VAV3: variants seen among roughly 807,000 people sequenced by gnomAD.
VAV3 encodes the protein vav guanine nucleotide exchange factor 3, also known as guanine nucleotide exchange factor VAV3.
VAV3 carries 94 observed loss-of-function variants against 131.2 expected under a neutral mutation model. The ratio of observed to expected loss-of-function variants is 0.72; its 90% CI spans 0.61 to 0.85. The LOEUF is 0.85. VAV3 is among the 40% of genes least tolerant of loss of function. VAV3 has a pLI of 0.00. For synonymous variants in VAV3, 349 were observed against 342.0 expected (o/e 1.02, Z -0.22); for missense variants, 939 against 1,002.7 (o/e 0.94, Z 0.86).
chr1:107,573,375 A>G lies in VAV3; in HGVS notation c.2503-3T>C. The G allele has an allele frequency of 6.2e-7, 1 of 1,614,070 alleles. No individual in the cohort carries two copies. Among genetic ancestry groups the G allele is most frequent in the South Asian group, 1.1e-5 (1 of 91,046 alleles). ...TATGTGGATGGAAACCAGCCCACCT[A>G]AAAAAGAAAAGCAACCAACACAGCA... is the stretch of plus-strand genomic sequence containing the variant. On this transcript the variant is annotated splice_region_variant and splice_polypyrimidine_tract_variant and intron_variant, in intron 26 of 26. Coordinates refer to ENST00000370056, the MANE Select transcript of VAV3 (RefSeq NM_006113.5).
chr1:107,580,415 CTA>C, intron 25 of VAV3, among the ~76,000 whole-genome samples: 1 of 152,204 alleles, frequency 6.6e-6, no homozygotes, highest in South Asian at 2.1e-4. Flanking sequence ...CCTAAAATAA[CTA>C]TTATTTTTTT....
At chr1:107,742,439 C>T (rs1480449578) in intron 15 of VAV3, among the ~76,000 whole-genome samples, 1 of 152,206 alleles carries the variant, frequency 6.6e-6, no homozygotes, top group African/African-American at 2.4e-5. Flanking sequence ...ACAGTTCAGC[C>T]TTGGGCCACT....
chr1:107,845,454 C>T (rs192079189), intron 2 of VAV3, among the ~76,000 whole-genome samples: 3 of 152,002 alleles, frequency 2.0e-5, no homozygotes, highest in Non-Finnish European at 2.9e-5. Flanking sequence ...ATGAGTTTGA[C>T]GAATTGACAG....
chr1:107,768,741 G>A (rs1039264718), intron 6 of VAV3, among the ~76,000 whole-genome samples: 1 of 152,006 alleles, frequency 6.6e-6, no homozygotes, highest in African/African-American at 2.4e-5. Flanking sequence ...AAATAAAATG[G>A]TTTAGACAAT....
intron 1 of VAV3, among the ~76,000 whole-genome samples, chr1:107,951,802 T>C (rs1186874072): frequency 1.4e-5 from 2 of 142,966 alleles, no homozygotes; most frequent in Non-Finnish European, 3.1e-5. Context: ...ATGGCTATTA[T>C]CAAAAAGTCA....
intron 2 of VAV3, among the ~76,000 whole-genome samples, chr1:107,870,717 G>A (rs1250174879): frequency 1.3e-5 from 2 of 152,006 alleles, no homozygotes; most frequent in South Asian, 4.1e-4. Context: ...TCACCCCTAA[G>A]CTGATGCTCT....
At chr1:107,625,565 C>A (rs1653954280) in intron 20 of VAV3, among the ~76,000 whole-genome samples, 1 of 152,092 alleles carries the variant, frequency 6.6e-6, no homozygotes, top group Admixed American at 6.6e-5. Flanking sequence ...CTGTGCCAGG[C>A]CAGTAATTTA....
intron 2 of VAV3, among the ~76,000 whole-genome samples, chr1:107,788,708 G>C (rs1666140650): frequency 6.6e-6 from 1 of 152,094 alleles, no homozygotes; most frequent in Non-Finnish European, 1.5e-5. Flanking sequence ...AATATTCCCT[G>C]CTCTGCCTAA....
At chr1:107,656,448 C>T (rs1334977371) in intron 19 of VAV3, among the ~76,000 whole-genome samples, 1 of 152,038 alleles carries the variant, frequency 6.6e-6, no homozygotes, top group East Asian at 1.9e-4. Flanking sequence ...TCATGGTTAC[C>T]AGAGGCTGGG....
At chr1:107,618,570 T>C (rs907971307) in intron 20 of VAV3, among the ~76,000 whole-genome samples, 1 of 152,236 alleles carries the variant, frequency 6.6e-6, no homozygotes, top group African/African-American at 2.4e-5. Context: ...CTAATACTTA[T>C]TGAATCCTTA....
intron 17 of VAV3, among the ~76,000 whole-genome samples, chr1:107,698,989 G>C (rs143482274): frequency 0.013 from 1,945 of 152,218 alleles, 35 homozygotes; most frequent in African/African-American, 0.045. Context: ...TTCGAGATGA[G>C]ATTTGGGTGC....
chr1:107,663,253 G>A (rs1354441794), intron 19 of VAV3, among the ~76,000 whole-genome samples: 1 of 152,086 alleles, frequency 6.6e-6, no homozygotes, highest in Admixed American at 6.6e-5. Flanking sequence ...CTAAGATACA[G>A]ACTTCTACAC....
chr1:107,796,986 G>A (rs1666582332), intron 2 of VAV3, among the ~76,000 whole-genome samples: 1 of 151,860 alleles, frequency 6.6e-6, no homozygotes, highest in South Asian at 2.1e-4. Context: ...TTTTAAATAA[G>A]TGAAAATACT....
chr1:107,690,682 A>C (rs1023772181), intron 17 of VAV3, among the ~76,000 whole-genome samples: 2 of 152,090 alleles, frequency 1.3e-5, no homozygotes, highest in African/African-American at 4.8e-5. Context: ...TGCTTTAAGA[A>C]ATGCTCTACA....
intron 3 of VAV3, among the ~76,000 whole-genome samples, chr1:107,778,362 C>T (rs148281930): frequency 4.7e-4 from 72 of 151,778 alleles, no homozygotes; most frequent in African/African-American, 1.4e-3. Flanking sequence ...TTTTGACTTA[C>T]GTTTTTTCAG....
At chr1:107,962,436 A>C (rs1283376018) in intron 1 of VAV3, among the ~76,000 whole-genome samples, 1 of 152,220 alleles carries the variant, frequency 6.6e-6, no homozygotes, top group East Asian at 1.9e-4. Flanking sequence ...TAGCAGAAAA[A>C]ATGTTTTTCA....
At chr1:107,896,495 A>C (rs1435396262) in intron 1 of VAV3, among the ~76,000 whole-genome samples, 1 of 152,208 alleles carries the variant, frequency 6.6e-6, no homozygotes, top group Non-Finnish European at 1.5e-5. Context: ...TAACTACAAA[A>C]AACTTATATA....
intron 2 of VAV3, among the ~76,000 whole-genome samples, chr1:107,802,218 A>T (rs919157342): frequency 4.0e-5 from 6 of 151,610 alleles, no homozygotes; most frequent in African/African-American, 1.5e-4. Context: ...CTGCAACTTT[A>T]CTTATTCTTT....
intron 2 of VAV3, among the ~76,000 whole-genome samples, chr1:107,863,115 C>G (rs148926306): frequency 6.6e-6 from 1 of 152,106 alleles, no homozygotes; most frequent in African/African-American, 2.4e-5. Context: ...TAATTTGAAA[C>G]CCACTGTAAG....
Sources: allele counts gnomAD v4.1 joint callset (sites outside exome capture counted in the v4.1 genomes callset), GRCh38; gene constraint gnomAD v4.1.1; transcripts MANE v1.5; gene names NCBI Gene and HGNC (gene_info 2026-07-23, HGNC 2026-07-21).